The following SLC8A1 variants were observed in gnomAD, a reference collection of about 807,000 sequenced individuals.
SLC8A1 encodes the protein solute carrier family 8 member A1.
Under a neutral mutation model 68.3 loss-of-function variants are expected in SLC8A1, and 18 were observed. The ratio of observed to expected loss-of-function variants is 0.26; its 90% confidence interval spans 0.18 to 0.39. The LOEUF is 0.39. SLC8A1 is among the 10% of genes least tolerant of loss of function. SLC8A1 has a pLI of 1.00. For missense variants in SLC8A1, 985 were observed against 1,156.7 expected (o/e 0.85, Z 2.15); for synonymous variants, 475 against 415.5 (o/e 1.14, Z -1.74).
In SLC8A1 at chr2:40,231,620, C is replaced by T. The variant is rs534479938; in HGVS notation, c.1809-53765G>A. On this transcript the variant is annotated intron_variant, in intron 2 of 7. Coordinates refer to ENST00000406785, the Ensembl canonical transcript of SLC8A1. Reference sequence around the variant, plus strand: ...CACCTTTGTCTTACAATTAATTCTTCTGCAGATCCCCTCACACTGATCTCC... The same window carrying T: ...CACCTTTGTCTTACAATTAATTCTTTTGCAGATCCCCTCACACTGATCTCC... Among the ~76,000 whole-genome samples, 13 of 152,216 alleles carry T rather than the reference C, an allele frequency of 8.5e-5. No individual in the cohort carries two copies. In the South Asian group the frequency reaches 2.5e-3, roughly 29 times the overall value.
chr2:40,148,228 C>T (rs567917688), intron 6 of SLC8A1, among the ~76,000 whole-genome samples: 3 of 152,116 alleles, frequency 2.0e-5, no homozygotes, highest in African/African-American at 7.2e-5. Context: ...TTTATTCTTC[C>T]TGGAATTTTA....
intron 2 of SLC8A1, among the ~76,000 whole-genome samples, chr2:40,391,714 T>C (rs1685323277): frequency 6.6e-6 from 1 of 152,002 alleles, no homozygotes; most frequent in African/African-American, 2.4e-5. Context: ...CCTCAAATTA[T>C]AGAACCTGAG....
At chr2:40,200,222 T>TATATATATATAAA (rs1558722368) in intron 2 of SLC8A1, among the ~76,000 whole-genome samples, 1 of 5,174 alleles carries the variant, frequency 1.9e-4, no homozygotes, top group African/African-American at 4.7e-4. Flanking sequence ...ATATATATTT[T>TATATATATATAAA]TTTATATATA....
intron 2 of SLC8A1, among the ~76,000 whole-genome samples, chr2:40,304,228 C>A (rs2072124617): frequency 6.6e-6 from 1 of 152,180 alleles, no homozygotes; most frequent in Admixed American, 6.5e-5. Context: ...TCAGAGATGT[C>A]CTTCCAGCTA....
intron 2 of SLC8A1, among the ~76,000 whole-genome samples, chr2:40,200,254 ATAT>A (rs2054096836): frequency 3.1e-4 from 17 of 55,414 alleles, no homozygotes; most frequent in Non-Finnish European, 4.3e-4. Context: ...ATATATATAT[ATAT>A]ATATATATAT....
At chr2:40,489,698 C>G (rs1225087360) in intron 1 of SLC8A1, among the ~76,000 whole-genome samples, 3 of 152,018 alleles carry the variant, frequency 2.0e-5, no homozygotes, top group African/African-American at 7.2e-5. Flanking sequence ...TCAGCTCTCT[C>G]CCTTGATAGA....
At chr2:40,156,601 T>C (rs908073488) in intron 6 of SLC8A1, among the ~76,000 whole-genome samples, 2 of 152,074 alleles carry the variant, frequency 1.3e-5, no homozygotes, top group Non-Finnish European at 2.9e-5. Flanking sequence ...TTCCCTTTGT[T>C]CTTCAGGGAA....
chr2:40,303,467 G>C (rs961650943), intron 2 of SLC8A1, among the ~76,000 whole-genome samples: 1 of 152,106 alleles, frequency 6.6e-6, no homozygotes, highest in Non-Finnish European at 1.5e-5. Flanking sequence ...ACTGAGTTCT[G>C]GCAAGTACAG....
At chr2:40,117,106 T>A (rs74468444) in intron 7 of SLC8A1, 1 of 152,070 alleles carries the variant, frequency 6.6e-6, no homozygotes. Context: ...GGAGAGGCTG[T>A]TTTTGTTGTT....
At chr2:40,248,223 C>T (rs1191426803) in intron 2 of SLC8A1, among the ~76,000 whole-genome samples, 1 of 152,146 alleles carries the variant, frequency 6.6e-6, no homozygotes, top group African/African-American at 2.4e-5. Flanking sequence ...CAGTTTTCTA[C>T]AGTGATTTGA....
chr2:40,395,744 G>A (rs1686712140), intron 2 of SLC8A1, among the ~76,000 whole-genome samples: 1 of 152,088 alleles, frequency 6.6e-6, no homozygotes, highest in South Asian at 2.1e-4. Context: ...TAAGACATGG[G>A]AAAGGAAAAG....
intron 2 of SLC8A1, among the ~76,000 whole-genome samples, chr2:40,388,979 G>C (rs531725126): frequency 1.3e-3 from 198 of 152,240 alleles, no homozygotes; most frequent in Middle Eastern, 6.8e-3. Flanking sequence ...GGAAACGTAA[G>C]TGTTCACCTA....
chr2:40,235,179 A>G (rs1385042423), intron 2 of SLC8A1, among the ~76,000 whole-genome samples: 2 of 151,950 alleles, frequency 1.3e-5, no homozygotes, highest in Non-Finnish European at 2.9e-5. Context: ...GAATGGTACC[A>G]GTTCCTCCTT....
At chr2:40,257,917 C>T (rs986338239) in intron 2 of SLC8A1, among the ~76,000 whole-genome samples, 2 of 152,172 alleles carry the variant, frequency 1.3e-5, no homozygotes, top group Non-Finnish European at 2.9e-5. Context: ...TAGATAATGC[C>T]TAAACTGTAA....
At chr2:40,478,983 G>A (rs1704464701) in intron 1 of SLC8A1, among the ~76,000 whole-genome samples, 1 of 151,798 alleles carries the variant, frequency 6.6e-6, no homozygotes, top group South Asian at 2.1e-4. Context: ...TGTTGGCCAG[G>A]ATAGTCTCAA....
intron 2 of SLC8A1, among the ~76,000 whole-genome samples, chr2:40,419,130 T>C (rs1694757201): frequency 6.6e-6 from 1 of 152,226 alleles, no homozygotes; most frequent in Admixed American, 6.5e-5. Context: ...ACCAGTGTTG[T>C]CACAGCATCT....
At chr2:40,216,502 C>G (rs1005554752) in intron 2 of SLC8A1, among the ~76,000 whole-genome samples, 6 of 152,110 alleles carry the variant, frequency 3.9e-5, no homozygotes, top group African/African-American at 1.4e-4. Context: ...ATTTATATTC[C>G]TTTGAGTGTA....
intron 1 of SLC8A1, among the ~76,000 whole-genome samples, chr2:40,439,882 G>T (rs1373577173): frequency 3.9e-5 from 6 of 152,098 alleles, no homozygotes; most frequent in African/African-American, 1.4e-4. Context: ...CATCAGTGTT[G>T]TATGCTACAA....
chr2:40,433,780 G>A (rs970038535), intron 1 of SLC8A1, among the ~76,000 whole-genome samples: 1 of 152,174 alleles, frequency 6.6e-6, no homozygotes, highest in African/African-American at 2.4e-5. Flanking sequence ...ATCCCTGATA[G>A]TGTGTGAAGT....
Sources: allele counts gnomAD v4.1 joint callset (sites outside exome capture counted in the v4.1 genomes callset), GRCh38; gene constraint gnomAD v4.1.1; transcripts MANE v1.5; gene names NCBI Gene and HGNC (gene_info 2026-07-23, HGNC 2026-07-21).